The following RORA variants were observed in gnomAD, a reference collection of about 807,000 sequenced individuals.
The protein encoded by RORA is RAR related orphan receptor A, also known as nuclear receptor ROR-alpha.
In RORA, 7 loss-of-function variants were observed where a neutral mutation model predicts 69.5. The observed-to-expected ratio is 0.10, with a 90% CI of 0.06 to 0.19. RORA has a LOEUF of 0.19. Ranked by LOEUF, RORA falls within the 10% of genes least tolerant of loss-of-function variation. RORA has a pLI of 1.00. For synonymous variants in RORA, 261 were observed against 240.8 expected, an observed-to-expected ratio of 1.08 and a Z score of -0.78; for missense variants, 457 against 663.0, an observed-to-expected ratio of 0.69 and a Z score of 3.41.
intron 1 of RORA, among the ~76,000 whole-genome samples, chr15:60,988,092 C>A (rs1894264129): frequency 1.3e-5 from 2 of 152,158 alleles, no homozygotes; most frequent in African/African-American, 2.4e-5. Context: ...GAGAATCCAT[C>A]AATACAAAGC....
At chr15:61,121,523 T>C (rs2140817445) in intron 1 of RORA, among the ~76,000 whole-genome samples, 1 of 152,304 alleles carries the variant, frequency 6.6e-6, no homozygotes, top group African/African-American at 2.4e-5. Context: ...CTTAGCTACT[T>C]GCACGTCTCT....
At chr15:60,861,838 T>G (rs936578161) in intron 1 of RORA, among the ~76,000 whole-genome samples, 3 of 152,220 alleles carry the variant, frequency 2.0e-5, no homozygotes. Context: ...CAGAAGGTAC[T>G]CTGTCCTGGA....
chr15:60,778,507 A>T (rs2072207012), intron 1 of RORA, among the ~76,000 whole-genome samples: 1 of 152,130 alleles, frequency 6.6e-6, no homozygotes, highest in Non-Finnish European at 1.5e-5. Context: ...GCTGTTGACA[A>T]CAGGATGGAT....
intron 1 of RORA, among the ~76,000 whole-genome samples, chr15:60,924,862 T>G (rs1000949244): frequency 2.7e-4 from 41 of 152,170 alleles, no homozygotes; most frequent in African/African-American, 9.9e-4. Context: ...GAAGATCACT[T>G]GAGGTCAGGA....
At chr15:61,135,437 T>C (rs1169432948) in intron 1 of RORA, among the ~76,000 whole-genome samples, 2 of 152,066 alleles carry the variant, frequency 1.3e-5, no homozygotes, top group Non-Finnish European at 2.9e-5. Context: ...TCTATTCTAC[T>C]TACAGCAAGT....
chr15:61,118,886 G>T (rs1221831531), intron 1 of RORA, among the ~76,000 whole-genome samples: 2 of 152,122 alleles, frequency 1.3e-5, no homozygotes, highest in Non-Finnish European at 2.9e-5. Flanking sequence ...TGTTAAGGCT[G>T]AGTTCCTCTT....
chr15:60,553,299 G>A (rs1017056962), intron 2 of RORA, among the ~76,000 whole-genome samples: 58 of 152,286 alleles, frequency 3.8e-4, no homozygotes, highest in African/African-American at 1.4e-3. Context: ...GAGTCACATG[G>A]ATTTCAAGTG....
chr15:60,882,432 T>C (rs1371095127), intron 1 of RORA, among the ~76,000 whole-genome samples: 2 of 152,056 alleles, frequency 1.3e-5, no homozygotes, highest in Admixed American at 6.5e-5. Context: ...AGTGCTGAGA[T>C]TGAGAAACTC....
At chr15:61,059,544 G>A (rs1224075073) in intron 1 of RORA, among the ~76,000 whole-genome samples, 1 of 152,206 alleles carries the variant, frequency 6.6e-6, no homozygotes, top group East Asian at 1.9e-4. Context: ...GGGATTTGTA[G>A]AAATCTTCCT....
intron 1 of RORA, among the ~76,000 whole-genome samples, chr15:60,806,266 C>T (rs1327867145): frequency 6.6e-6 from 1 of 152,206 alleles, no homozygotes; most frequent in Non-Finnish European, 1.5e-5. Flanking sequence ...CATACTCTAG[C>T]AGCTGGCTGG....
chr15:60,493,362 G>A lies in RORA; in HGVS notation c.*4093C>T, dbSNP rs935168834. On this transcript the variant is annotated 3_prime_UTR_variant, in exon 11 of 11. Coordinates refer to ENST00000335670, the MANE Select transcript of RORA (RefSeq NM_134261.3). ...TACAAATATGTATTTTTCCCTGAGG[G>A]ATCAAGGTACACCCGCAAGTGCTCT... 1 of 152,042 alleles carries A rather than the reference G, an allele frequency of 6.6e-6. No individual in the cohort carries two copies. The highest frequency in any genetic ancestry group is 6.5e-5 in the Admixed American group (1 of 15,268). The allele number at this position is 152,042 out of a possible 1,614,324, so 9.4% of individuals were successfully genotyped here. A position where few individuals can be genotyped will look rare whatever the true frequency, so the allele number is the denominator to read the frequency against.
intron 2 of RORA, chr15:60,677,024 A>C (rs2140745877): frequency 2.8e-6 from 1 of 357,684 alleles, no homozygotes; most frequent in East Asian, 7.5e-5. Context: ...AACAGTCAGT[A>C]GCTTTCTGTA....
intron 1 of RORA, chr15:60,706,231 C>T (rs1485245175): frequency 6.6e-6 from 1 of 152,188 alleles, no homozygotes; most frequent in Non-Finnish European, 1.5e-5. Flanking sequence ...ACCCACATTA[C>T]CTGACTTCCA....
chr15:60,827,626 C>G (rs2072983596), intron 1 of RORA, among the ~76,000 whole-genome samples: 1 of 152,210 alleles, frequency 6.6e-6, no homozygotes, highest in South Asian at 2.1e-4. Context: ...ACCCCAGATT[C>G]CTGCTGCTGG....
At chr15:60,863,420 C>A (rs1203183774) in intron 1 of RORA, among the ~76,000 whole-genome samples, 1 of 152,190 alleles carries the variant, frequency 6.6e-6, no homozygotes, top group Admixed American at 6.5e-5. Context: ...CTGCCTTTCA[C>A]TACTTAGACT....
At chr15:60,735,991 G>T (rs183954109) in intron 1 of RORA, among the ~76,000 whole-genome samples, 1 of 152,086 alleles carries the variant, frequency 6.6e-6, no homozygotes, top group African/African-American at 2.4e-5. Context: ...CACAACACAC[G>T]TTTCAGCTGT....
intron 2 of RORA, among the ~76,000 whole-genome samples, chr15:60,667,324 A>G (rs2070395347): frequency 6.6e-6 from 1 of 152,222 alleles, no homozygotes; most frequent in African/African-American, 2.4e-5. Flanking sequence ...TTCAAGCTGA[A>G]TCTGTCACTA....
intron 1 of RORA, among the ~76,000 whole-genome samples, chr15:61,210,358 T>C (rs906265595): frequency 2.0e-5 from 3 of 151,952 alleles, no homozygotes; most frequent in Admixed American, 6.6e-5. Context: ...GAAAGAAAAA[T>C]TCCAAAACTG....
At chr15:60,858,392 A>G (rs1463066709) in intron 1 of RORA, among the ~76,000 whole-genome samples, 3 of 152,230 alleles carry the variant, frequency 2.0e-5, no homozygotes, top group Admixed American at 2.0e-4. Flanking sequence ...GGGCCAAGAC[A>G]GGACACATGC....
Sources: allele counts gnomAD v4.1 joint callset (sites outside exome capture counted in the v4.1 genomes callset), GRCh38; gene constraint gnomAD v4.1.1; transcripts MANE v1.5; gene names NCBI Gene and HGNC (gene_info 2026-07-23, HGNC 2026-07-21).